The following SCAPER variants were observed in gnomAD, a reference collection of about 807,000 sequenced individuals.
SCAPER encodes the protein S-phase cyclin A associated protein in the ER.
Under a neutral mutation model 182.2 loss-of-function variants are expected in SCAPER, and 98 were observed. That is an observed-to-expected ratio of 0.54 (90% CI 0.46 to 0.64). SCAPER has a LOEUF of 0.64. SCAPER is among the 30% of genes least tolerant of loss of function. SCAPER has a pLI of 0.00. For missense variants in SCAPER, 1,432 were observed against 1,690.0 expected (o/e 0.85, Z 2.68); for synonymous variants, 605 against 564.6 (o/e 1.07, Z -1.01).
At position 76,582,884 on chromosome 15, in the gene SCAPER, G is replaced by A. The variant is rs540517280; in HGVS notation, c.2712-8600C>T. On this transcript the variant is annotated intron_variant, in intron 22 of 31. Coordinates refer to ENST00000563290, the MANE Select transcript of SCAPER (RefSeq NM_020843.4). ...CTCAAGACAGTCTCTTCAATAAATGGTGCCGAGAGAACTGGATATCCATAC... is the reference window on the plus strand; with the variant it reads ...CTCAAGACAGTCTCTTCAATAAATGATGCCGAGAGAACTGGATATCCATAC... Among the ~76,000 whole-genome samples the A allele has an allele frequency of 7.2e-5, 11 of 152,234 alleles. No homozygotes were observed. In the East Asian group the frequency reaches 1.9e-3, roughly 27 times the overall value.
At chr15:76,431,676 CAAAAAAAAAAA>C (rs60675828) in intron 26 of SCAPER, among the ~76,000 whole-genome samples, 705 of 47,154 alleles carry the variant, frequency 0.015, 39 homozygotes, top group African/African-American at 0.06. Context: ...AAATGATTAG[CAAAAAAAAAAA>C]AAAAAAAAAA....
At chr15:76,727,214 A>G (rs2060648606) in intron 17 of SCAPER, among the ~76,000 whole-genome samples, 1 of 152,098 alleles carries the variant, frequency 6.6e-6, no homozygotes. Flanking sequence ...TATAGATTCA[A>G]TGCAATTCCA....
chr15:76,502,981 C>T (rs2041267332), intron 24 of SCAPER, among the ~76,000 whole-genome samples: 1 of 152,144 alleles, frequency 6.6e-6, no homozygotes, highest in African/African-American at 2.4e-5. Context: ...ATGACAATAG[C>T]AGCTTTTGGG....
At chr15:76,747,581 G>A (rs1343334971) in intron 15 of SCAPER, among the ~76,000 whole-genome samples, 1 of 152,078 alleles carries the variant, frequency 6.6e-6, no homozygotes, top group Admixed American at 6.5e-5. Context: ...GGAAGTGTTT[G>A]GGTCATGGGA....
chr15:76,576,099 T>C (rs908555684), intron 22 of SCAPER, among the ~76,000 whole-genome samples: 5 of 152,332 alleles, frequency 3.3e-5, no homozygotes, highest in East Asian at 1.9e-4. Flanking sequence ...TGGTGGTTCA[T>C]GCTTGTAATC....
chr15:76,708,824 G>A (rs2059407414), intron 17 of SCAPER, among the ~76,000 whole-genome samples: 1 of 152,170 alleles, frequency 6.6e-6, no homozygotes, highest in Non-Finnish European at 1.5e-5. Flanking sequence ...CCAGCACTTT[G>A]GGAGGCCAAG....
chr15:76,456,543 C>T (rs2048750553), intron 25 of SCAPER, among the ~76,000 whole-genome samples: 1 of 152,152 alleles, frequency 6.6e-6, no homozygotes, highest in African/African-American at 2.4e-5. Flanking sequence ...TCAGTATGCT[C>T]AGAAAGAATG....
At chr15:76,685,754 T>G (rs1381450917) in intron 20 of SCAPER, among the ~76,000 whole-genome samples, 1 of 151,966 alleles carries the variant, frequency 6.6e-6, no homozygotes, top group Admixed American at 6.6e-5. Context: ...AAAGATCTTG[T>G]TCTCCTGTGT....
chr15:76,428,865 A>AATATATATATATATATATATAT, intron 26 of SCAPER, among the ~76,000 whole-genome samples: 1 of 31,306 alleles, frequency 3.2e-5, no homozygotes, highest in African/African-American at 1.5e-4. Flanking sequence ...AGATCATTAT[A>AATATATATATATATATATATAT]CTATATATAT....
intron 14 of SCAPER, among the ~76,000 whole-genome samples, chr15:76,757,739 T>C (rs770132476): frequency 5.9e-5 from 9 of 152,112 alleles, no homozygotes; most frequent in Non-Finnish European, 1.2e-4. Flanking sequence ...CATACAAGGG[T>C]TCCATTTTCT....
chr15:76,470,288 TA>T (rs1279167881), intron 25 of SCAPER, among the ~76,000 whole-genome samples: 1 of 152,178 alleles, frequency 6.6e-6, no homozygotes, highest in African/African-American at 2.4e-5. Flanking sequence ...AGAAAATAGT[TA>T]AATACAGTTC....
intron 26 of SCAPER, among the ~76,000 whole-genome samples, chr15:76,417,329 G>C: frequency 6.6e-6 from 1 of 152,336 alleles, no homozygotes; most frequent in Non-Finnish European, 1.5e-5. Flanking sequence ...TTTAAAAGGT[G>C]GTGGCAGAGA....
intron 23 of SCAPER, among the ~76,000 whole-genome samples, chr15:76,517,322 C>A (rs140855341): frequency 7.4e-4 from 112 of 150,874 alleles, no homozygotes; most frequent in African/African-American, 2.6e-3. Flanking sequence ...TTCCTATATG[C>A]CTTAGTCGAG....
chr15:76,450,868 T>A (rs1388932828), intron 25 of SCAPER, among the ~76,000 whole-genome samples: 1 of 152,216 alleles, frequency 6.6e-6, no homozygotes, highest in Non-Finnish European at 1.5e-5. Context: ...AACACATATT[T>A]AAAAAATACA....
intron 22 of SCAPER, among the ~76,000 whole-genome samples, chr15:76,598,744 T>C (rs1457193324): frequency 8.5e-6 from 1 of 117,974 alleles, no homozygotes; most frequent in Non-Finnish European, 2.1e-5. Context: ...AAGTGGGAGG[T>C]GAACAATGAG....
intron 22 of SCAPER, among the ~76,000 whole-genome samples, chr15:76,608,072 C>T (rs1012672038): frequency 2.0e-5 from 3 of 152,210 alleles, no homozygotes; most frequent in African/African-American, 7.2e-5. Context: ...AGTTGCGTTC[C>T]TTTGCAGGAG....
intron 25 of SCAPER, among the ~76,000 whole-genome samples, chr15:76,444,172 T>C (rs1216215156): frequency 1.3e-5 from 2 of 152,224 alleles, no homozygotes; most frequent in Non-Finnish European, 2.9e-5. Context: ...TGGGAAATCA[T>C]TGGGCATCCA....
chr15:76,702,837 T>C lies in SCAPER; in HGVS notation c.2400+13A>G, dbSNP rs763137983. On this transcript the variant is annotated intron_variant, in intron 19 of 31. Coordinates refer to ENST00000563290, the MANE Select transcript of SCAPER (RefSeq NM_020843.4). ...GTAAACTATATCATTACAATATTGA[T>C]ATAACAACCTACCAGGACATTGCAG... 6.3e-6 allele frequency: 10 copies of C among 1,591,882 alleles called. No homozygotes were observed. The South Asian group carries it at 1.2e-4, about 19-fold the overall frequency.
At chr15:76,873,986 G>A (rs1050776638) in intron 2 of SCAPER, among the ~76,000 whole-genome samples, 5 of 151,486 alleles carry the variant, frequency 3.3e-5, no homozygotes, top group East Asian at 3.9e-4. Flanking sequence ...CTCTGCTTCC[G>A]GGTTCCAGCG....
Sources: gnomAD v4.1 joint callset for allele counts (sites outside exome capture counted in the v4.1 genomes callset) on GRCh38, gnomAD v4.1.1 for gene constraint, MANE v1.5 for transcripts, NCBI Gene and HGNC (gene_info 2026-07-23, HGNC 2026-07-21) for gene names.